PHACTR1: variants seen among roughly 807,000 people sequenced by gnomAD.
The protein encoded by PHACTR1 is phosphatase and actin regulator 1.
PHACTR1 carries 16 observed loss-of-function variants against 69.2 expected under a neutral mutation model. The ratio of observed to expected loss-of-function variants is 0.23; its 90% CI spans 0.16 to 0.35. The LOEUF (loss-of-function observed/expected upper bound fraction) is 0.35. Ranked by LOEUF, PHACTR1 falls within the 10% of genes least tolerant of loss-of-function variation. The pLI is 1.00. For missense variants in PHACTR1, 510 were observed against 734.7 expected (o/e 0.69, Z 3.54); for synonymous variants, 312 against 284.5 (o/e 1.10, Z -0.97).
At chr6:12,844,794 C>T (rs896823154) in intron 4 of PHACTR1, among the ~76,000 whole-genome samples, 2 of 152,020 alleles carry the variant, frequency 1.3e-5, no homozygotes, top group Non-Finnish European at 2.9e-5. Flanking sequence ...GAAGGTACCA[C>T]TAAAGAAATG....
intron 4 of PHACTR1, among the ~76,000 whole-genome samples, chr6:12,773,122 A>T (rs1769600988): frequency 6.6e-6 from 1 of 152,230 alleles, no homozygotes; most frequent in Non-Finnish European, 1.5e-5. Flanking sequence ...CTTTTGTAGA[A>T]GTGGCAGCCA....
At chr6:13,261,785 G>A (rs1434409270) in intron 10 of PHACTR1, among the ~76,000 whole-genome samples, 1 of 152,236 alleles carries the variant, frequency 6.6e-6, no homozygotes, top group Non-Finnish European at 1.5e-5. Context: ...GACAGAGGAA[G>A]TGATACTGAA....
At chr6:12,824,461 A>C (rs1245606235) in intron 4 of PHACTR1, among the ~76,000 whole-genome samples, 2 of 152,188 alleles carry the variant, frequency 1.3e-5, no homozygotes, top group African/African-American at 2.4e-5. Context: ...CCCTGGTGCC[A>C]AAAAGGCTGG....
chr6:13,048,975 T>C (rs563644553), intron 4 of PHACTR1, among the ~76,000 whole-genome samples: 6 of 152,330 alleles, frequency 3.9e-5, no homozygotes, highest in Admixed American at 3.9e-4. Context: ...GTGATTAAAA[T>C]ATAAATCAGC....
intron 4 of PHACTR1, among the ~76,000 whole-genome samples, chr6:12,785,905 A>G (rs1402913685): frequency 2.0e-5 from 3 of 151,892 alleles, no homozygotes; most frequent in Admixed American, 6.6e-5. Flanking sequence ...TATTGCTGAG[A>G]TTTATTCTGA....
chr6:12,896,607 C>T (rs1301060884), intron 4 of PHACTR1, among the ~76,000 whole-genome samples: 2 of 152,164 alleles, frequency 1.3e-5, no homozygotes, highest in East Asian at 3.9e-4. Flanking sequence ...TGGATGGGAT[C>T]CCTGTTCCCC....
chr6:13,117,436 A>G (rs1583432584), intron 5 of PHACTR1, among the ~76,000 whole-genome samples: 1 of 152,214 alleles, frequency 6.6e-6, no homozygotes, highest in Non-Finnish European at 1.5e-5. Context: ...ATCTCAGTGG[A>G]CTATTAATAA....
intron 10 of PHACTR1, among the ~76,000 whole-genome samples, chr6:13,249,461 G>A (rs1774048967): frequency 6.6e-6 from 1 of 152,100 alleles, no homozygotes; most frequent in Non-Finnish European, 1.5e-5. Flanking sequence ...AAAGGCCCCA[G>A]AAGATTACAT....
intron 4 of PHACTR1, among the ~76,000 whole-genome samples, chr6:13,003,331 A>G (rs1252272313): frequency 6.6e-6 from 1 of 152,186 alleles, no homozygotes; most frequent in Non-Finnish European, 1.5e-5. Flanking sequence ...AAAATTTAAT[A>G]ATTCTGTTTT....
At chr6:13,118,892 T>C (rs1818227035) in intron 5 of PHACTR1, among the ~76,000 whole-genome samples, 1 of 152,182 alleles carries the variant, frequency 6.6e-6, no homozygotes, top group African/African-American at 2.4e-5. Context: ...TTTTGGATGA[T>C]TCTTGCGGTG....
rs58571739 is a variant in PHACTR1, at chr6:13,179,445, T to TGTG, written c.497-3074_497-3073insGTG. The stretch of plus-strand genomic sequence containing the variant: ...GTGTGTGTGTGTGTGTGTGTGTGTG[T>TGTG]TTAAAAATGTCATAATAAAAAATTT... On this transcript the variant is annotated intron_variant, in intron 6 of 14. Transcript: ENST00000332995. The surrounding 1 kb of genome is among the most constrained non-coding windows in gnomAD (Gnocchi z 4.2). Among the ~76,000 whole-genome samples the TGTG allele has an allele frequency of 2.7e-5, 4 of 148,280 alleles. No homozygotes were observed. Among genetic ancestry groups the TGTG allele is most frequent in the South Asian group, 2.2e-4 (1 of 4,614 alleles).
chr6:13,247,001 A>ATG (rs2127387292), intron 10 of PHACTR1, among the ~76,000 whole-genome samples: 1 of 152,350 alleles, frequency 6.6e-6, no homozygotes, highest in African/African-American at 2.4e-5. Context: ...AAGCATCCAA[A>ATG]GATACAACCC....
intron 5 of PHACTR1, among the ~76,000 whole-genome samples, chr6:13,136,148 TG>T (rs1416200254): frequency 6.6e-6 from 1 of 152,054 alleles, no homozygotes; most frequent in Non-Finnish European, 1.5e-5. Context: ...TTTTCCATCA[TG>T]TTTTTTGACC....
chr6:12,745,023 G>A (rs1482102592), intron 3 of PHACTR1, among the ~76,000 whole-genome samples: 1 of 152,138 alleles, frequency 6.6e-6, no homozygotes, highest in Non-Finnish European at 1.5e-5. Flanking sequence ...GATTCAGTAG[G>A]TTCAGATTGG....
intron 4 of PHACTR1, among the ~76,000 whole-genome samples, chr6:12,832,554 G>A (rs1053246552): frequency 6.6e-6 from 1 of 151,928 alleles, no homozygotes; most frequent in East Asian, 1.9e-4. Flanking sequence ...ACCTGGCCTT[G>A]GTAACTGGGA....
chr6:12,793,679 A>G (rs1285135024), intron 4 of PHACTR1, among the ~76,000 whole-genome samples: 1 of 152,226 alleles, frequency 6.6e-6, no homozygotes, highest in Non-Finnish European at 1.5e-5. Flanking sequence ...TCCAGGATTT[A>G]TGATTCTCAA....
intron 4 of PHACTR1, among the ~76,000 whole-genome samples, chr6:12,897,640 C>T (rs1409502686): frequency 6.6e-6 from 1 of 152,100 alleles, no homozygotes; most frequent in Non-Finnish European, 1.5e-5. Context: ...TAAGCCCTCT[C>T]CAGCCAAAAT....
chr6:13,254,189 C>T (rs1170710140), intron 10 of PHACTR1, among the ~76,000 whole-genome samples: 2 of 151,810 alleles, frequency 1.3e-5, no homozygotes, highest in African/African-American at 4.8e-5. Flanking sequence ...GATTGCAACA[C>T]CGCACTCCAG....
At chr6:13,051,071 C>T (rs1050764432) in intron 4 of PHACTR1, among the ~76,000 whole-genome samples, 9 of 152,138 alleles carry the variant, frequency 5.9e-5, no homozygotes, top group African/African-American at 9.7e-5. Context: ...TCCTAAGAAA[C>T]AAATCTAATT....
Sources: allele counts gnomAD v4.1 joint callset (sites outside exome capture counted in the v4.1 genomes callset), GRCh38; gene constraint gnomAD v4.1.1; non-coding constraint Gnocchi (gnomAD v3.1); transcripts MANE v1.5; gene names NCBI Gene and HGNC (gene_info 2026-07-23, HGNC 2026-07-21).